Variants in MELTF observed in about 807,000 individuals in gnomAD.
The protein encoded by MELTF is antigen p97 (melanoma associated) identified by monoclonal antibodies 133.2 and 96.5.
Under a neutral mutation model 83.7 loss-of-function variants are expected in MELTF, and 67 were observed. The ratio of observed to expected loss-of-function variants is 0.80; its 90% confidence interval spans 0.66 to 0.98. MELTF has a LOEUF of 0.98. Ranked by LOEUF, MELTF falls within the 50% of genes least tolerant of loss-of-function variation. The probability of loss-of-function intolerance (pLI) is 0.00; values close to 1 mark genes in which losing one functional copy is unlikely to be tolerated. For synonymous variants in MELTF, 462 were observed against 447.6 expected, an observed-to-expected ratio of 1.03 and a Z score of -0.41; for missense variants, 1,002 against 1,035.6, an observed-to-expected ratio of 0.97 and a Z score of 0.44.
At position 197,006,764 on chromosome 3, in the gene MELTF, G is replaced by A; in HGVS notation, c.1751-28C>T. The A allele has an allele frequency of 4.0e-6, 6 of 1,484,812 alleles. No homozygotes were observed. The highest frequency in any genetic ancestry group is 2.7e-6 in the Non-Finnish European group (3 of 1,118,792). 92.0% of individuals were successfully genotyped at this position (1,484,812 alleles called of 1,614,324 possible). A position where few individuals can be genotyped will look rare whatever the true frequency, so the allele number is the denominator to read the frequency against. On this transcript the variant is annotated intron_variant, in intron 13 of 15. Transcript: ENST00000296350. This position sits in a 1 kb window ranked among gnomAD's most constrained non-coding sequence, Gnocchi z 5.4. The stretch of plus-strand genomic sequence containing the variant: ...GAGGGGGGTAAAGCAGTGTGTGTGG[G>A]GACGTTCCGGGAGTGGAGAGAAGTG...
At position 197,008,590 on chromosome 3, in the gene MELTF, G is replaced by C; in HGVS notation, c.1750+67C>G. The C allele has an allele frequency of 6.5e-7, 1 of 1,531,774 alleles. No homozygotes were observed. Among genetic ancestry groups the C allele is most frequent in the Non-Finnish European group, 8.9e-7 (1 of 1,119,280 alleles). 94.9% of individuals were successfully genotyped at this position (1,531,774 alleles called of 1,614,324 possible). A position where few individuals can be genotyped will look rare whatever the true frequency, so the allele number is the denominator to read the frequency against. ...TTGGCCCCAGCCCAGCATGGTGTCT[G>C]GATGGTGCTGAAGATGGGGAACAGT... On this transcript the variant is annotated intron_variant, in intron 13 of 15. Coordinates refer to ENST00000296350, the MANE Select transcript of MELTF (RefSeq NM_005929.6). This position sits in a 1 kb window ranked among gnomAD's most constrained non-coding sequence, Gnocchi z 5.4.
chr3:197,026,265 TC>T, intron 3 of MELTF: 1 of 199,836 alleles, frequency 5.0e-6, no homozygotes, highest in Non-Finnish European at 1.0e-5. Flanking sequence ...AGACAGCACC[TC>T]CCTACCCGGA....
rs1719999011 is a variant in MELTF, at chr3:197,029,476, T to TCTTCAGTGCTAGTGAA, written c.49+177_49+178insTTCACTAGCACTGAAG. Among the ~76,000 whole-genome samples, 1 of 151,932 alleles carries TCTTCAGTGCTAGTGAA rather than the reference T, an allele frequency of 6.6e-6. No homozygotes were observed. Among genetic ancestry groups the TCTTCAGTGCTAGTGAA allele is most frequent in the Admixed American group, 6.5e-5 (1 of 15,270 alleles). ...CCAAGAAGCCTTCCAGACTTCCCCG[T>TCTTCAGTGCTAGTGAA]CTGCGCTTCAGTGCTAGTTCCCTCC... On this transcript the variant is annotated intron_variant, in intron 1 of 15. Coordinates refer to ENST00000296350, the MANE Select transcript of MELTF (RefSeq NM_005929.6). This position sits in a 1 kb window ranked among gnomAD's most constrained non-coding sequence, Gnocchi z 6.5.
intron 6 of MELTF, among the ~76,000 whole-genome samples, chr3:197,018,244 T>C (rs1719479940): frequency 6.6e-6 from 1 of 151,412 alleles, no homozygotes; most frequent in African/African-American, 2.4e-5. Context: ...ACCTTCCGGG[T>C]TCACGCCATT....
At position 197,014,904 on chromosome 3, in the gene MELTF, C is replaced by A. The variant is rs145816822; in HGVS notation, c.1233+461G>T. 2.6e-3 allele frequency among the ~76,000 whole-genome samples: 397 copies of A among 152,230 alleles called. 2 individuals carry two copies. The highest frequency in any genetic ancestry group is 7.1e-3 in the African/African-American group (294 of 41,540). On this transcript the variant is annotated intron_variant, in intron 9 of 15. Transcript: ENST00000296350. ...CATCAGTATGTATCTCATGAATATGCACAATTATTATTTGTCTATTTAGAA... is the reference window on the plus strand; with the variant it reads ...CATCAGTATGTATCTCATGAATATGAACAATTATTATTTGTCTATTTAGAA...
chr3:197,027,351 C>A (rs1719897398), intron 2 of MELTF, among the ~76,000 whole-genome samples: 1 of 152,366 alleles, frequency 6.6e-6, no homozygotes, highest in East Asian at 1.9e-4. Context: ...GCTCTCCTAC[C>A]CCATGCTCAC....
Position 197,023,085 on chromosome 3 carries a change from G to A in MELTF, c.516C>T (p.Cys172=), listed in dbSNP as rs140521412. The change falls in exon 5 of 16, where the codon TGC becomes TGT. Residue 172 remains cysteine (C), a synonymous_variant. Transcript: ENST00000296350. The part of the protein sequence containing the change: ...KAVSDYFGGS[C]VPGAGETSYS... Reference sequence around the variant, plus strand: ...AACTGGTCTCTCCTGCCCCCGGGACGCAGCTGCCCCCAAAATAGTCGCTGA... The same window carrying A: ...AACTGGTCTCTCCTGCCCCCGGGACACAGCTGCCCCCAAAATAGTCGCTGA... 70 of 1,613,646 alleles carry A rather than the reference G, an allele frequency of 4.3e-5. No homozygotes were observed. The African/African-American group carries it at 5.6e-4, about 13-fold the overall frequency.
rs1241268485 is a variant in MELTF, at chr3:197,003,849, G to C, written c.2137+52C>G. On this transcript the variant is annotated intron_variant, in intron 15 of 15. Transcript: ENST00000296350. This position sits in a 1 kb window ranked among gnomAD's most constrained non-coding sequence, Gnocchi z 6.2. ...CCCCCCGCTCCCTCAGGGTTCTGGGGTGAAGGGGTCTGAATAGCACCAGGG... is the reference window on the plus strand; with the variant it reads ...CCCCCCGCTCCCTCAGGGTTCTGGGCTGAAGGGGTCTGAATAGCACCAGGG... 1 of 1,580,320 alleles carries C rather than the reference G, an allele frequency of 6.3e-7. No individual in the cohort carries two copies.
Position 197,022,990 on chromosome 3 carries a change from A to G in MELTF, c.611T>C (p.Leu204Pro), listed in dbSNP as rs1456269118. The G allele has an allele frequency of 1.2e-6, 2 of 1,613,044 alleles. No individual in the cohort carries two copies. Among genetic ancestry groups the G allele is most frequent in the Admixed American group, 1.7e-5 (1 of 59,928 alleles). ...CCCGCTGTAGTCGTAGTATCTCTCCAGGGGGCTCTTGTCACACACCCCTTC... is the reference window on the plus strand; with the variant it reads ...CCCGCTGTAGTCGTAGTATCTCTCCGGGGGGCTCTTGTCACACACCCCTTC... The part of the protein sequence containing the change: ...SGEGVCDKSP[L>P]ERYYDYSGAF... Residue 204 changes from leucine (L) to proline (P), a missense_variant, in exon 5 of 16, where the codon CTG becomes CCG. Transcript: ENST00000296350. This position sits in a 1 kb window ranked among gnomAD's most constrained non-coding sequence, Gnocchi z 5.1.
At position 197,024,065 on chromosome 3, in the gene MELTF, C is replaced by CT. The variant is rs1719743121; in HGVS notation, c.487+237_487+238insA. Among the ~76,000 whole-genome samples the CT allele has an allele frequency of 6.6e-6, 1 of 152,144 alleles. No homozygotes were observed. Among genetic ancestry groups the CT allele is most frequent in the South Asian group, 2.1e-4 (1 of 4,818 alleles). ...GTGCCTGGCTGTGCCATGTGGGACA[C>CT]CACGATGCGTGAGCAAGAATCGCGC... On this transcript the variant is annotated intron_variant, in intron 4 of 15. Transcript: ENST00000296350. This position sits in a 1 kb window ranked among gnomAD's most constrained non-coding sequence, Gnocchi z 5.3.
In MELTF at chr3:197,009,736, C is replaced by T. The variant is rs774347604; in HGVS notation, c.1407G>A (p.Glu469=). Residue 469 remains glutamate, a synonymous_variant, in exon 11 of 16, where the codon GAG becomes GAA. Transcript: ENST00000296350. The part of the protein sequence containing the change: ...RDSSHAFTLD[E]LRGKRSCHAG... ...CGTGGCAGGAGCGCTTGCCCCGAAG[C>T]TCATCCAAGGTGAAGGCGTGGGAGC... The T allele has an allele frequency of 4.3e-6, 7 of 1,613,610 alleles. No individual in the cohort carries two copies. Among genetic ancestry groups the T allele is most frequent in the Non-Finnish European group, 5.9e-6 (7 of 1,180,036 alleles).
At chr3:197,026,786 C>G in intron 2 of MELTF, 27 bp from the exon 3 acceptor site, 2 of 1,602,084 alleles carry the variant, frequency 1.2e-6, no homozygotes, top group Middle Eastern at 1.7e-4. Context: ...CTCAGCCAAG[C>G]CTGGCCCAGC....
chr3:197,027,702 TC>T, intron 2 of MELTF, 53 bp downstream of exon 2: 1 of 1,557,712 alleles, frequency 6.4e-7, no homozygotes, highest in East Asian at 2.3e-5. Context: ...TGTTGTGTGC[TC>T]CCTCCTGAGT....
Position 197,017,610 on chromosome 3 carries a change from G to T in MELTF, c.713-320C>A, listed in dbSNP as rs150045360. On this transcript the variant is annotated intron_variant, in intron 6 of 15. Transcript: ENST00000296350. ...TAAGAAAGGCTGGCCGGGCGTGGTG[G>T]CTCACGCCTGTAATCCCAGCACTTT... Among the ~76,000 whole-genome samples the T allele has an allele frequency of 8.1e-4, 123 of 152,356 alleles. 2 individuals carry two copies. The South Asian group carries it at 0.015, about 19-fold the overall frequency.
chr3:197,012,707 G>T (rs1719231979), intron 9 of MELTF, among the ~76,000 whole-genome samples: 1 of 152,370 alleles, frequency 6.6e-6, no homozygotes, highest in East Asian at 1.9e-4. Flanking sequence ...GGCCACGGGG[G>T]CCCCCTCTGC....
intron 6 of MELTF, chr3:197,019,709 T>G (rs1481744099): frequency 3.1e-6 from 5 of 1,613,934 alleles, no homozygotes; most frequent in Non-Finnish European, 4.2e-6. Flanking sequence ...TGCCCAGCAC[T>G]AGAGCGCATC....
rs1328533421 is a variant in MELTF, at chr3:197,002,931, G to A, written c.*441C>T. On this transcript the variant is annotated 3_prime_UTR_variant, in exon 16 of 16. Coordinates refer to ENST00000296350, the MANE Select transcript of MELTF (RefSeq NM_005929.6). ...GCTGTCCCACGCGCCGGGTCCCGTT[G>A]GCGCCGGGGCCTCCTGGGACGGCCT... The A allele has an allele frequency of 1.3e-5, 2 of 151,678 alleles. No homozygotes were observed. The highest frequency in any genetic ancestry group is 4.8e-5 in the African/African-American group (2 of 41,374). The allele number at this position is 151,678 out of a possible 1,614,324, so 9.4% of individuals were successfully genotyped here.
In MELTF at chr3:197,015,360, C is replaced by G. The variant is rs1719324108; in HGVS notation, c.1233+5G>C. On this transcript the variant is annotated splice_donor_5th_base_variant and intron_variant, in intron 9 of 15. Coordinates refer to ENST00000296350, the MANE Select transcript of MELTF (RefSeq NM_005929.6). ...TGGCCCACGCTGCACCTGCGTGACT[C>G]CCACCTGGATCCGCTCCATGCAGTG... 2 of 1,552,410 alleles carry G rather than the reference C, an allele frequency of 1.3e-6. No homozygotes were observed. The highest frequency in any genetic ancestry group is 1.7e-6 in the Non-Finnish European group (2 of 1,146,836).
At position 197,018,755 on chromosome 3, in the gene MELTF, C is replaced by T. The variant is rs183257660; in HGVS notation, c.713-1465G>A. ...GCACCGTGCCCAGCCTCCTTTTGAC[C>T]GCTTTTAACCTGGTTAAGGACATAG... On this transcript the variant is annotated intron_variant, in intron 6 of 15. Coordinates refer to ENST00000296350, the MANE Select transcript of MELTF (RefSeq NM_005929.6). Among the ~76,000 whole-genome samples, 74 of 152,274 alleles carry T rather than the reference C, an allele frequency of 4.9e-4. 1 individual carries two copies. Among genetic ancestry groups the T allele is most frequent in the Admixed American group, 9.8e-4 (15 of 15,284 alleles).
Sources: gnomAD v4.1 joint callset for allele counts (sites outside exome capture counted in the v4.1 genomes callset) on GRCh38, gnomAD v4.1.1 for gene constraint, Gnocchi (gnomAD v3.1) non-coding constraint, MANE v1.5 for transcripts, NCBI Gene and HGNC (gene_info 2026-07-23, HGNC 2026-07-21) for gene names.